The following CRBN variants were observed in gnomAD, a reference collection of about 807,000 sequenced individuals.
CRBN encodes the protein cereblon.
In CRBN, 53 loss-of-function variants were observed where a neutral mutation model predicts 62.2. The observed-to-expected ratio is 0.85, with a 90% CI of 0.68 to 1.07. The LOEUF is 1.07. Ranked by LOEUF, CRBN falls within the 50% of genes least tolerant of loss-of-function variation. The pLI is 0.00. For synonymous variants in CRBN, 208 were observed against 176.1 expected (o/e 1.18, Z -1.43); for missense variants, 616 against 531.1 (o/e 1.16, Z -1.57).
intron 5 of CRBN, among the ~76,000 whole-genome samples, chr3:3,162,666 A>G (rs987149415): frequency 6.6e-6 from 1 of 152,212 alleles, no homozygotes; most frequent in African/African-American, 2.4e-5. Context: ...TTAATTGAAT[A>G]TATCTCAGGA....
chr3:3,167,907 T>C, intron 4 of CRBN, 114 bp from the exon 5 acceptor site: 2 of 969,752 alleles, frequency 2.1e-6, no homozygotes, highest in Non-Finnish European at 3.2e-6. Context: ...TTTTATCTTT[T>C]AAACATATTC....
chr3:3,153,592 C>A (rs1706734775), intron 8 of CRBN, 104 bp from the exon 9 acceptor site: 2 of 754,658 alleles, frequency 2.7e-6, no homozygotes, highest in East Asian at 5.0e-5. Context: ...ATATTGCTCT[C>A]TCTGAATATC....
intron 4 of CRBN, among the ~76,000 whole-genome samples, chr3:3,168,067 CAG>C (rs988539075): frequency 6.6e-5 from 10 of 152,056 alleles, no homozygotes; most frequent in Non-Finnish European, 1.0e-4. Flanking sequence ...CAGATAAATA[CAG>C]AGTCTATAAA....
At position 3,174,159 on chromosome 3, in the gene CRBN, G is replaced by C; in HGVS notation, c.277C>G (p.Pro93Ala). Reference protein sequence around the residue: ...VLPQVMMILIPGQTLPLQLFH... With the variant: ...VLPQVMMILIAGQTLPLQLFH... The stretch of plus-strand genomic sequence containing the variant: ...AGCTGAAGAGGTAATGTCTGTCCGG[G>C]AATCAGGATCATCATCACTTGTGGA... The change falls in exon 3 of 11, where the codon CCC (proline) becomes GCC (alanine). Residue 93 changes from proline to alanine, a missense_variant. Coordinates refer to ENST00000231948, the MANE Select transcript of CRBN (RefSeq NM_016302.4). 1 of 1,614,120 alleles carries C rather than the reference G, an allele frequency of 6.2e-7. No homozygotes were observed. Among genetic ancestry groups the C allele is most frequent in the Non-Finnish European group, 8.5e-7 (1 of 1,179,976 alleles).
chr3:3,173,576 CTGTA>C (rs1256465470), intron 3 of CRBN, among the ~76,000 whole-genome samples: 2 of 152,112 alleles, frequency 1.3e-5, no homozygotes, highest in Admixed American at 6.5e-5. Context: ...TGGGAGCTTC[CTGTA>C]TGTATTTCCT....
Position 3,150,355 on chromosome 3 carries a change from C to CAAAG in CRBN, c.*506_*509dup, listed in dbSNP as rs1346822095. The CAAAG allele has an allele frequency of 6.6e-6, 1 of 151,286 alleles. No homozygotes were observed. Among genetic ancestry groups the CAAAG allele is most frequent in the Non-Finnish European group, 1.5e-5 (1 of 68,112 alleles). The allele number at this position is 151,286 out of a possible 1,614,324, so 9.4% of individuals were successfully genotyped here. A position where few individuals can be genotyped will look rare whatever the true frequency, so the allele number is the denominator to read the frequency against. ...AGAAGTTAAAGAAAATGGAAAGGAA[C>CAAAG]AAAGCCCTTTTAGAATAATTAATAT... On this transcript the variant is annotated 3_prime_UTR_variant, in exon 11 of 11. Coordinates refer to ENST00000231948, the MANE Select transcript of CRBN (RefSeq NM_016302.4).
intron 4 of CRBN, among the ~76,000 whole-genome samples, chr3:3,168,917 A>G (rs1457996588): frequency 6.6e-6 from 1 of 152,194 alleles, no homozygotes; most frequent in Non-Finnish European, 1.5e-5. Flanking sequence ...GTGTTCTTAT[A>G]TTATTATTAG....
At position 3,150,994 on chromosome 3, in the gene CRBN, C is replaced by G; in HGVS notation, c.1200G>C (p.Trp400Cys). ...QCKICASHIG[W>C]KFTATKKDMS... Reference sequence around the variant, plus strand: ...TGTCTTTTTTGGTGGCCGTAAACTTCCATCCAATATGGCTTGCACAGATCT... The same window carrying G: ...TGTCTTTTTTGGTGGCCGTAAACTTGCATCCAATATGGCTTGCACAGATCT... The change falls in exon 11 of 11, where the codon TGG (tryptophan) becomes TGC (cysteine). Residue 400 changes from tryptophan to cysteine, a missense_variant. Trp to Cys is a radical substitution (Grantham distance 215). Coordinates refer to ENST00000231948, the MANE Select transcript of CRBN (RefSeq NM_016302.4). 1.2e-6 allele frequency: 2 copies of G among 1,613,998 alleles called. No homozygotes were observed. The highest frequency in any genetic ancestry group is 1.7e-6 in the Non-Finnish European group (2 of 1,179,974).
At chr3:3,151,708 T>C (rs1401474102) in intron 10 of CRBN, among the ~76,000 whole-genome samples, 1 of 152,210 alleles carries the variant, frequency 6.6e-6, no homozygotes, top group Non-Finnish European at 1.5e-5. Context: ...CCAAGATACA[T>C]AGTCCTAACC....
intron 9 of CRBN, 49 bp from the exon 10 acceptor site, chr3:3,152,636 TTTTA>T: frequency 6.2e-7 from 1 of 1,608,630 alleles, no homozygotes; most frequent in Non-Finnish European, 8.5e-7. Flanking sequence ...AGAAGTCTAA[TTTTA>T]TTAAATGCTT....
intron 5 of CRBN, among the ~76,000 whole-genome samples, chr3:3,158,648 C>T (rs929625423): frequency 2.6e-5 from 4 of 152,196 alleles, no homozygotes; most frequent in Non-Finnish European, 4.4e-5. Context: ...TTTCACATTT[C>T]TTGTAAGAAT....
At chr3:3,173,107 G>C (rs1448763899) in intron 3 of CRBN, among the ~76,000 whole-genome samples, 182 bp from the exon 4 acceptor site, 1 of 152,222 alleles carries the variant, frequency 6.6e-6, no homozygotes, top group African/African-American at 2.4e-5. Context: ...GCCCAGACTA[G>C]AGAGCAGTGG....
At chr3:3,173,848 G>C in intron 3 of CRBN, 3 of 587,614 alleles carry the variant, frequency 5.1e-6, no homozygotes. Context: ...AATTGTGTAT[G>C]AAGGTGAAGA....
In CRBN at chr3:3,154,043, TAGGAAGACA is replaced by T; in HGVS notation, c.859_867del (p.Cys287_Pro289del). The T allele has an allele frequency of 6.2e-7, 1 of 1,613,378 alleles. No individual in the cohort carries two copies. Among genetic ancestry groups the T allele is most frequent in the Non-Finnish European group, 8.5e-7 (1 of 1,179,326 alleles). Reference sequence around the variant, plus strand: ...AGCTGAATTCTCAATACATCATCAATAGGAAGACAAGCAGCTACTCTGTAAGAAAAATCT... The same window carrying T: ...AGCTGAATTCTCAATACATCATCAATAGCAGCTACTCTGTAAGAAAAATCT... On this transcript the variant is annotated inframe_deletion, in exon 8 of 11. Transcript: ENST00000231948.
chr3:3,163,396 T>G (rs1342966551), intron 5 of CRBN, among the ~76,000 whole-genome samples: 2 of 152,234 alleles, frequency 1.3e-5, no homozygotes, highest in East Asian at 1.9e-4. Context: ...CAGGCAAATA[T>G]GTGCTTCTTT....
intron 7 of CRBN, 75 bp from the exon 8 acceptor site, chr3:3,154,150 T>A: frequency 1.2e-6 from 1 of 865,266 alleles, no homozygotes; most frequent in East Asian, 2.4e-5. Flanking sequence ...TCGGATAATA[T>A]CCTTTTGAAA....
At chr3:3,152,948 ATT>A (rs1706687771) in intron 9 of CRBN, 2 of 312,706 alleles carry the variant, frequency 6.4e-6, no homozygotes, top group Admixed American at 4.7e-5. Context: ...GGGGCAGTTG[ATT>A]ATTTTGCAGA....
intron 4 of CRBN, among the ~76,000 whole-genome samples, chr3:3,169,477 G>GTAT (rs10626719): frequency 6.6e-6 from 1 of 151,608 alleles, no homozygotes; most frequent in Non-Finnish European, 1.5e-5. Context: ...TACTCTAATA[G>GTAT]GAAAAAAACC....
rs547955357 is a variant in CRBN at position 3,178,130 on chromosome 3, C to A, written c.67+1491G>T. Among the ~76,000 whole-genome samples, 9 of 152,280 alleles carry A rather than the reference C, an allele frequency of 5.9e-5. No homozygotes were observed. In the South Asian group the frequency reaches 1.9e-3, roughly 32 times the overall value. On this transcript the variant is annotated intron_variant, in intron 1 of 10. Coordinates refer to ENST00000231948, the MANE Select transcript of CRBN (RefSeq NM_016302.4). ...ATGTCGACAGAAGATCAGTATCCTC[C>A]CTCTTCTATTCACCATTCTCCCTGA...
Sources: allele counts gnomAD v4.1 joint callset (sites outside exome capture counted in the v4.1 genomes callset), GRCh38; gene constraint gnomAD v4.1.1; transcripts MANE v1.5; gene names NCBI Gene and HGNC (gene_info 2026-07-23, HGNC 2026-07-21).